The following MRPL22 variants were observed in gnomAD, a reference collection of about 807,000 sequenced individuals.
MRPL22 encodes large ribosomal subunit protein uL22m.
Under a neutral mutation model 32.4 loss-of-function variants are expected in MRPL22, and 27 were observed. That is an observed-to-expected ratio of 0.83 (90% confidence interval 0.61 to 1.15). MRPL22 has a LOEUF of 1.15. Ranked by LOEUF, MRPL22 falls within the 50% of genes most tolerant of loss-of-function variation. The pLI, the probability that MRPL22 is intolerant of heterozygous loss-of-function variation, is 0.00. For missense variants in MRPL22, 239 were observed against 260.2 expected (o/e 0.92, Z 0.56); for synonymous variants, 86 against 87.3 (o/e 0.99, Z 0.08).
chr5:154,957,323 T>A, intron 5 of MRPL22, 111 bp downstream of exon 5: 1 of 824,578 alleles, frequency 1.2e-6, no homozygotes, highest in Non-Finnish European at 2.0e-6. Flanking sequence ...TTTTCTGTTG[T>A]AAATGCATAC....
chr5:154,944,159 T>A (rs1020770524), intron 2 of MRPL22, among the ~76,000 whole-genome samples: 3 of 152,192 alleles, frequency 2.0e-5, no homozygotes, highest in Admixed American at 1.3e-4. Context: ...GGTTTCACCA[T>A]GTTGGCCAAG....
chr5:154,957,503 G>A (rs1764645727), intron 5 of MRPL22, among the ~76,000 whole-genome samples: 1 of 151,996 alleles, frequency 6.6e-6, no homozygotes, highest in African/African-American at 2.4e-5. Flanking sequence ...TTGGGGCTTG[G>A]TACGTATATG....
At chr5:154,956,097 C>T in intron 3 of MRPL22, 1 of 309,568 alleles carries the variant, frequency 3.2e-6, no homozygotes, top group South Asian at 6.5e-5. Context: ...TTTAGGATTT[C>T]TTTGGATAGA....
intron 6 of MRPL22, among the ~76,000 whole-genome samples, chr5:154,965,788 G>T (rs1764759605): frequency 6.6e-6 from 1 of 152,142 alleles, no homozygotes; most frequent in Admixed American, 6.6e-5. Context: ...GAATGGGGGA[G>T]GGGAGCTGAA....
chr5:154,957,187 A>G lies in MRPL22; in HGVS notation c.314A>G (p.Lys105Arg), dbSNP rs372817331. The change falls in exon 5 of 7, where the codon AAA (lysine) becomes AGA (arginine). Residue 105 changes from lysine (K) to arginine (R), a missense_variant. Transcript: ENST00000523037. ...TTGGCTCAGTTGGAATTCAATGACA[A>G]AAAAGGGGCCAAAATAATTAAAGAG... is the stretch of plus-strand genomic sequence containing the variant. ...QALAQLEFND[K>R]KGAKIIKEVL... The G allele has an allele frequency of 1.3e-5, 21 of 1,613,572 alleles. No homozygotes were observed. Among genetic ancestry groups the G allele is most frequent in the African/African-American group, 6.7e-5 (5 of 74,920 alleles).
At chr5:154,963,919 G>C (rs889049338) in intron 6 of MRPL22, among the ~76,000 whole-genome samples, 6 of 152,056 alleles carry the variant, frequency 3.9e-5, no homozygotes, top group Admixed American at 1.3e-4. Flanking sequence ...AAAGTGGGGT[G>C]GCCATACATG....
chr5:154,963,533 A>G (rs2113546804), intron 6 of MRPL22, among the ~76,000 whole-genome samples: 1 of 152,338 alleles, frequency 6.6e-6, no homozygotes, highest in South Asian at 2.1e-4. Flanking sequence ...TATGTACTTG[A>G]AAAACTTTGA....
intron 2 of MRPL22, among the ~76,000 whole-genome samples, chr5:154,943,927 T>G (rs1489555099): frequency 1.3e-5 from 2 of 152,040 alleles, no homozygotes; most frequent in Non-Finnish European, 2.9e-5. Context: ...TCTCCCAAAG[T>G]GCTGGGATTA....
chr5:154,954,816 G>A (rs1315761392), intron 3 of MRPL22, among the ~76,000 whole-genome samples: 4 of 152,064 alleles, frequency 2.6e-5, no homozygotes, highest in African/African-American at 9.7e-5. Context: ...TTTTGAGACG[G>A]AGTCTCGCTC....
chr5:154,957,488 A>G (rs1480700474), intron 5 of MRPL22, among the ~76,000 whole-genome samples: 1 of 151,802 alleles, frequency 6.6e-6, no homozygotes, highest in Non-Finnish European at 1.5e-5. Context: ...CTTATTTTTA[A>G]TGATTTGGGG....
At chr5:154,956,713 C>G (rs796258076) in intron 4 of MRPL22, 7 of 386,460 alleles carry the variant, frequency 1.8e-5, no homozygotes, top group African/African-American at 1.5e-4. Flanking sequence ...ACCTATTTAT[C>G]TGTAAACTTG....
rs115079909 is a variant in MRPL22, at chr5:154,949,211, C to T, written c.78-1610C>T. On this transcript the variant is annotated intron_variant, in intron 2 of 6. Transcript: ENST00000523037. The stretch of plus-strand genomic sequence containing the variant: ...ATCTGGGAAGTAGGGGCACTAATTG[C>T]TACTAGATTGTTCATTGCTTCTACA... Among the ~76,000 whole-genome samples, 806 of 152,148 alleles carry T rather than the reference C, an allele frequency of 5.3e-3. 8 individuals are homozygous for T. The highest frequency in any genetic ancestry group is 0.018 in the African/African-American group (765 of 41,506).
In MRPL22 at chr5:154,966,882, C is replaced by T. The variant is rs370756659; in HGVS notation, c.606C>T (p.Ile202=). 25 of 1,612,196 alleles carry T rather than the reference C, an allele frequency of 1.6e-5. No homozygotes were observed. The African/African-American group carries it at 1.6e-4, about 10-fold the overall frequency. ...EYIQQLRSRT[I]VHTL ...TTCAGCAGCTTCGCAGCCGGACCAT[C>T]GTTCACACTCTATGATGAGGAGATT... The change falls in exon 7 of 7, where the codon ATC becomes ATT. Residue 202 remains isoleucine, a synonymous_variant. Coordinates refer to ENST00000523037, the MANE Select transcript of MRPL22 (RefSeq NM_014180.4).
At position 154,941,141 on chromosome 5, in the gene MRPL22, A is replaced by G; in HGVS notation, c.28+3A>G. On this transcript the variant is annotated splice_donor_region_variant and intron_variant, in intron 1 of 6. Transcript: ENST00000523037. ...GGCGGCAGTACTGGGACAGTTGGGT[A>G]AGGATTTCTTAGTGGTTAAGCGACA... 2 of 1,614,052 alleles carry G rather than the reference A, an allele frequency of 1.2e-6. No homozygotes were observed. Among genetic ancestry groups the G allele is most frequent in the Non-Finnish European group, 8.5e-7 (1 of 1,180,008 alleles).
At chr5:154,966,562 C>G in intron 6 of MRPL22, 124 bp from the exon 7 acceptor site, 1 of 962,976 alleles carries the variant, frequency 1.0e-6, no homozygotes. Flanking sequence ...GACAAGCCTG[C>G]TCTAGCCAAC....
intron 2 of MRPL22, among the ~76,000 whole-genome samples, chr5:154,944,014 A>G (rs1475998531): frequency 6.6e-6 from 1 of 152,146 alleles, no homozygotes; most frequent in Non-Finnish European, 1.5e-5. Context: ...ACTGATGCAT[A>G]CATTTGAGAA....
chr5:154,947,720 T>C (rs1203558000), intron 2 of MRPL22, among the ~76,000 whole-genome samples: 1 of 152,232 alleles, frequency 6.6e-6, no homozygotes, highest in East Asian at 1.9e-4. Context: ...TCAACATCTG[T>C]ACACTTAGTA....
chr5:154,956,862 T>C (rs1561741031), intron 4 of MRPL22: 2 of 406,202 alleles, frequency 4.9e-6, no homozygotes, highest in Admixed American at 4.1e-5. Context: ...GAATGCCTAG[T>C]GTGGTTGTTA....
At position 154,967,360 on chromosome 5, in the gene MRPL22, T is replaced by C. The variant is rs1392152769; in HGVS notation, c.*463T>C. 2 of 155,342 alleles carry C rather than the reference T, an allele frequency of 1.3e-5. No individual in the cohort carries two copies. The highest frequency in any genetic ancestry group is 4.8e-5 in the African/African-American group (2 of 41,504). 9.6% of individuals were successfully genotyped at this position (155,342 alleles called of 1,614,324 possible). A position where few individuals can be genotyped will look rare whatever the true frequency, so the allele number is the denominator to read the frequency against. ...GTGGTACCGTTTTTCCTTTCACTGT[T>C]GGCACAGGCCAGTGAGTCAAAAATT... is the stretch of plus-strand genomic sequence containing the variant. On this transcript the variant is annotated 3_prime_UTR_variant, in exon 7 of 7. Coordinates refer to ENST00000523037, the MANE Select transcript of MRPL22 (RefSeq NM_014180.4). The surrounding 1 kb of genome is among the most constrained non-coding windows in gnomAD (Gnocchi z 4.7).
Sources: gnomAD v4.1 joint callset for allele counts (sites outside exome capture counted in the v4.1 genomes callset) on GRCh38, gnomAD v4.1.1 for gene constraint, Gnocchi (gnomAD v3.1) non-coding constraint, MANE v1.5 for transcripts, NCBI Gene and HGNC (gene_info 2026-07-23, HGNC 2026-07-21) for gene names.